CEP164: variants seen among roughly 807,000 people sequenced by gnomAD.
The protein encoded by CEP164 is centrosomal protein of 164 kDa.
CEP164 carries 162 observed loss-of-function variants against 182.7 expected under a neutral mutation model. The observed-to-expected ratio is 0.89, with a 90% CI of 0.78 to 1.01. The LOEUF (loss-of-function observed/expected upper bound fraction) is 1.01. Among genes scored for constraint, CEP164 ranks in the 50% least tolerant of loss-of-function variants. CEP164 has a pLI of 0.00. For synonymous variants in CEP164, 661 were observed against 690.0 expected, an observed-to-expected ratio of 0.96 and a Z score of 0.66; for missense variants, 1,735 against 1,790.4, an observed-to-expected ratio of 0.97 and a Z score of 0.56.
At chr11:117,339,945 G>C (rs566862939) in intron 3 of CEP164, among the ~76,000 whole-genome samples, 2 of 152,100 alleles carry the variant, frequency 1.3e-5, no homozygotes, top group African/African-American at 4.8e-5. Flanking sequence ...TGGATATACA[G>C]TTCTATTCTA....
In CEP164 at chr11:117,392,410, C is replaced by G. The variant is rs567891883; in HGVS notation, c.2362-86C>G. On this transcript the variant is annotated intron_variant, in intron 18 of 32. Coordinates refer to ENST00000278935, the MANE Select transcript of CEP164 (RefSeq NM_014956.5). The stretch of plus-strand genomic sequence containing the variant: ...TCTCTCCAGCCCTGGGGGATGGATG[C>G]CAGGTCCTCAGAACACATCCCCACA... 299 of 1,565,198 alleles carry G rather than the reference C, an allele frequency of 1.9e-4. 2 individuals are homozygous for G. In the South Asian group the frequency reaches 3.2e-3, roughly 17 times the overall value.
chr11:117,338,787 A>G (rs1393227544), intron 3 of CEP164, 119 bp downstream of exon 3: 2 of 803,918 alleles, frequency 2.5e-6, no homozygotes, highest in Non-Finnish European at 4.2e-6. Flanking sequence ...GTTGCTTAGT[A>G]TATTCGGGTT....
chr11:117,332,769 G>A (rs887414840), intron 1 of CEP164, among the ~76,000 whole-genome samples: 3 of 152,156 alleles, frequency 2.0e-5, no homozygotes, highest in Non-Finnish European at 4.4e-5. Context: ...AGATGCATGA[G>A]TGCAGTTGGG....
At chr11:117,373,667 T>C in intron 9 of CEP164, 84 bp from the exon 10 acceptor site, 1 of 1,207,758 alleles carries the variant, frequency 8.3e-7, no homozygotes, top group Admixed American at 1.8e-5. Flanking sequence ...ATTGGCCCCA[T>C]GGCCTGAACA....
intron 27 of CEP164, among the ~76,000 whole-genome samples, chr11:117,402,188 G>T (rs1388722579): frequency 2.7e-5 from 4 of 150,306 alleles, no homozygotes; most frequent in Non-Finnish European, 1.5e-5. Flanking sequence ...GTTCTCATTG[G>T]TTTCAAAGAA....
chr11:117,338,675 A>G lies in CEP164; in HGVS notation c.82+7A>G. The G allele has an allele frequency of 6.2e-7, 1 of 1,603,858 alleles. No homozygotes were observed. Among genetic ancestry groups the G allele is most frequent in the Non-Finnish European group, 8.5e-7 (1 of 1,170,622 alleles). On this transcript the variant is annotated splice_region_variant and intron_variant, in intron 3 of 32. Coordinates refer to ENST00000278935, the MANE Select transcript of CEP164 (RefSeq NM_014956.5). ...TACATTCCTAGTGAGCAAGGTAACA[A>G]GTCTGTGAAGAGGCCTGTGGTGTAT...
chr11:117,360,918 C>T (rs1047664287), intron 5 of CEP164, among the ~76,000 whole-genome samples: 3 of 150,500 alleles, frequency 2.0e-5, no homozygotes, highest in Non-Finnish European at 2.9e-5. Context: ...TTTCCCCTCC[C>T]GCATCCTTCT....
chr11:117,367,529 T>C (rs373039553), intron 8 of CEP164, among the ~76,000 whole-genome samples: 2 of 151,902 alleles, frequency 1.3e-5, no homozygotes, highest in East Asian at 3.8e-4. Context: ...CTCTTTTTAA[T>C]TTTTTTTTAT....
In CEP164 at chr11:117,410,854, C is replaced by T. The variant is rs757246851; in HGVS notation, c.4123C>T (p.Pro1375Ser). The change falls in exon 31 of 33, where the codon CCC (proline) becomes TCC (serine). Residue 1375 changes from proline to serine, a missense_variant. By Grantham distance (74) the Pro-to-Ser change is moderately conservative. Transcript: ENST00000278935. ...PSGIPLLSNS[P>S]TPLESRLGYM... ...TGGCATCCCGCTGCTCAGCAACAGC[C>T]CCACCCCGCTGGAGAGCAGGCTGGG... 6.2e-7 allele frequency: 1 copy of T among 1,613,304 alleles called. No individual in the cohort carries two copies. Among genetic ancestry groups the T allele is most frequent in the East Asian group, 2.2e-5 (1 of 44,854 alleles).
chr11:117,371,117 A>C lies in CEP164; in HGVS notation c.803A>C (p.Asp268Ala). 1 of 1,609,692 alleles carries C rather than the reference A, an allele frequency of 6.2e-7. No homozygotes were observed. The highest frequency in any genetic ancestry group is 2.2e-5 in the East Asian group (1 of 44,768). Residue 268 changes from aspartate (D) to alanine (A), a missense_variant, in exon 9 of 33, where the codon GAT becomes GCT. Coordinates refer to ENST00000278935, the MANE Select transcript of CEP164 (RefSeq NM_014956.5). ...ACAAGCCAGCCAGAGGAGAAGAAGG[A>C]TGTTTCTCTGGATTCAGATGCTGCC... Reference protein sequence around the residue: ...LRTSQPEEKKDVSLDSDAAGP... With the variant: ...LRTSQPEEKKAVSLDSDAAGP...
rs2047361525 is a variant in CEP164 at position 117,411,587 on chromosome 11, G to A, written c.4164-208G>A. ...CTTGTATCAGTAGCACCCAGCAAGG[G>A]GGCAGAGGGCCTCCACCACTTTCCC... On this transcript the variant is annotated intron_variant, in intron 31 of 32. Transcript: ENST00000278935. This position sits in a 1 kb window ranked among gnomAD's most constrained non-coding sequence, Gnocchi z 4.4. The A allele has an allele frequency of 1.7e-6, 1 of 580,084 alleles. No homozygotes were observed. Among genetic ancestry groups the A allele is most frequent in the East Asian group, 3.4e-5 (1 of 29,050 alleles). The allele number at this position is 580,084 out of a possible 1,614,324, so 35.9% of individuals were successfully genotyped here. A position where few individuals can be genotyped will look rare whatever the true frequency, so the allele number is the denominator to read the frequency against.
chr11:117,350,595 T>C (rs552189194), intron 4 of CEP164, among the ~76,000 whole-genome samples: 21 of 152,296 alleles, frequency 1.4e-4, no homozygotes, highest in African/African-American at 5.1e-4. Context: ...TTATTTCTGC[T>C]CATTTTCTCA....
intron 3 of CEP164, among the ~76,000 whole-genome samples, chr11:117,342,979 T>C (rs992958275): frequency 6.6e-6 from 1 of 151,768 alleles, no homozygotes; most frequent in African/African-American, 2.4e-5. Flanking sequence ...TACTAGAATG[T>C]AAGCTCCCAC....
At chr11:117,353,169 G>A (rs1214417547) in intron 5 of CEP164, among the ~76,000 whole-genome samples, 1 of 152,100 alleles carries the variant, frequency 6.6e-6, no homozygotes, top group East Asian at 1.9e-4. Context: ...TGGGAACATC[G>A]TTTCAACCCT....
At chr11:117,349,963 C>T (rs1041536584) in intron 4 of CEP164, among the ~76,000 whole-genome samples, 2 of 151,908 alleles carry the variant, frequency 1.3e-5, no homozygotes, top group Non-Finnish European at 2.9e-5. Context: ...TTAGTAGAGA[C>T]GGAGTTTCAC....
chr11:117,387,727 G>C (rs1012435945), intron 15 of CEP164, among the ~76,000 whole-genome samples: 1 of 152,106 alleles, frequency 6.6e-6, no homozygotes, highest in Non-Finnish European at 1.5e-5. Context: ...GGTTGGGAAA[G>C]GTACTACAAA....
chr11:117,344,571 T>C (rs1049790788), intron 4 of CEP164, among the ~76,000 whole-genome samples: 16 of 152,320 alleles, frequency 1.1e-4, no homozygotes, highest in Admixed American at 7.2e-4. Context: ...TGAGGGGTTG[T>C]TGTTACTCCT....
chr11:117,362,621 A>G, intron 7 of CEP164, 83 bp downstream of exon 7: 1 of 1,479,576 alleles, frequency 6.8e-7, no homozygotes, highest in Non-Finnish European at 9.2e-7. Flanking sequence ...TGTGATAGAA[A>G]AAATATGTAA....
chr11:117,324,230 T>C (rs1215247210), upstream of CEP164, among the ~76,000 whole-genome samples: 2 of 152,132 alleles, frequency 1.3e-5, no homozygotes, highest in African/African-American at 4.8e-5. Context: ...GCAGATCACC[T>C]GAGGTCAGGA....
Sources: gnomAD v4.1 joint callset for allele counts (sites outside exome capture counted in the v4.1 genomes callset) on GRCh38, gnomAD v4.1.1 for gene constraint, Gnocchi (gnomAD v3.1) non-coding constraint, MANE v1.5 for transcripts, NCBI Gene and HGNC (gene_info 2026-07-23, HGNC 2026-07-21) for gene names.